The following AFF1 variants were observed in gnomAD, a reference collection of about 807,000 sequenced individuals.
AFF1 encodes the protein AF4/FMR2 family member 1.
AFF1 carries 48 observed loss-of-function variants against 121.7 expected under a neutral mutation model. That is an observed-to-expected ratio of 0.39 (90% CI 0.31 to 0.50). AFF1 has a LOEUF of 0.50. Among genes scored for constraint, AFF1 ranks in the 20% least tolerant of loss-of-function variants. The pLI is 0.76. For synonymous variants in AFF1, 613 were observed against 563.0 expected (o/e 1.09, Z -1.26); for missense variants, 1,523 against 1,511.7 (o/e 1.01, Z -0.12).
chr4:87,028,216 G>C lies in AFF1; in HGVS notation c.39-17950G>C, dbSNP rs370515880. On this transcript the variant is annotated intron_variant, in intron 2 of 20. Transcript: ENST00000395146. ...TTTGTTGCTGTGTCCATCCATTAATGTATTTTTATACTTCTTATATAAGTT... is the reference window on the plus strand; with the variant it reads ...TTTGTTGCTGTGTCCATCCATTAATCTATTTTTATACTTCTTATATAAGTT... 2.6e-5 allele frequency among the ~76,000 whole-genome samples: 4 copies of C among 151,950 alleles called. No individual in the cohort carries two copies. The East Asian group carries it at 7.7e-4, about 29-fold the overall frequency.
intron 12 of AFF1, among the ~76,000 whole-genome samples, chr4:87,121,676 C>T (rs1469734866): frequency 6.6e-6 from 1 of 152,242 alleles, no homozygotes; most frequent in African/African-American, 2.4e-5. Context: ...TTGATGGCTT[C>T]CTTTCTACCA....
At position 87,137,691 on chromosome 4, in the gene AFF1, G is replaced by A. The variant is rs1560671646; in HGVS notation, c.*1990G>A. The stretch of plus-strand genomic sequence containing the variant: ...TGAACAGTAATTGCCTGGTAGGTTT[G>A]GTGTGTGTGTAGCATTGTGTGTCCA... On this transcript the variant is annotated 3_prime_UTR_variant, in exon 21 of 21. Transcript: ENST00000395146. 4.3e-6 allele frequency: 1 copy of A among 232,504 alleles called. No individual in the cohort carries two copies. The highest frequency in any genetic ancestry group is 8.5e-6 in the Non-Finnish European group (1 of 117,678). The allele number at this position is 232,504 out of a possible 1,614,324, so 14.4% of individuals were successfully genotyped here.
chr4:86,961,489 G>GT (rs975514996), intron 2 of AFF1, among the ~76,000 whole-genome samples: 2 of 151,864 alleles, frequency 1.3e-5, no homozygotes, highest in Admixed American at 6.6e-5. Flanking sequence ...CTGGGAGATA[G>GT]TTTCAGCATG....
intron 4 of AFF1, among the ~76,000 whole-genome samples, chr4:87,058,701 C>T (rs558422925): frequency 5.6e-4 from 85 of 152,092 alleles, no homozygotes; most frequent in African/African-American, 2.0e-3. Flanking sequence ...CAAAACAAAC[C>T]CTTCTTCACT....
At chr4:87,059,268 T>G (rs1001105165) in intron 4 of AFF1, among the ~76,000 whole-genome samples, 71 of 152,364 alleles carry the variant, frequency 4.7e-4, no homozygotes, top group African/African-American at 1.6e-3. Flanking sequence ...GGCATCTTAA[T>G]TGAACCTGTC....
rs993473564 is a variant in AFF1, at chr4:87,126,141, C to A, written c.2616C>A (p.Leu872=). 3 of 1,614,066 alleles carry A rather than the reference C, an allele frequency of 1.9e-6. No homozygotes were observed. Among genetic ancestry groups the A allele is most frequent in the South Asian group, 2.2e-5 (2 of 91,066 alleles). ...CACAGTCCTCAAAGAAGGAAATGCT[C>A]CCCCCGCCACCCGTGTCCTCGTCCT... is the stretch of plus-strand genomic sequence containing the variant. ...PSSQSSKKEM[L]PPPPVSSSSQ... is the part of the protein sequence containing the mutation. Residue 872 remains leucine (L), a synonymous_variant, in exon 14 of 21, where the codon CTC becomes CTA. Transcript: ENST00000395146.
chr4:87,101,584 G>GAAA (rs57043448), intron 8 of AFF1, among the ~76,000 whole-genome samples: 110 of 148,662 alleles, frequency 7.4e-4, no homozygotes, highest in South Asian at 1.1e-3. Context: ...GTCTGAAAAA[G>GAAA]AAAAAAAAAA....
intron 2 of AFF1, among the ~76,000 whole-genome samples, chr4:86,984,678 G>A (rs933062541): frequency 6.6e-6 from 1 of 152,172 alleles, no homozygotes; most frequent in Non-Finnish European, 1.5e-5. Flanking sequence ...GTTTAAGCTT[G>A]TTATCCCAGC....
chr4:87,032,156 A>G (rs759559022), intron 2 of AFF1, among the ~76,000 whole-genome samples: 18 of 152,208 alleles, frequency 1.2e-4, no homozygotes, highest in Admixed American at 3.9e-4. Flanking sequence ...TTTAGCTTTA[A>G]GGAGATGCCA....
intron 2 of AFF1, among the ~76,000 whole-genome samples, chr4:86,977,218 A>G (rs1429058191): frequency 1.3e-5 from 2 of 152,182 alleles, no homozygotes; most frequent in African/African-American, 4.8e-5. Context: ...ATGTATTTTC[A>G]ATCTCATAAC....
Position 87,125,061 on chromosome 4 carries a change from A to G in AFF1, c.2491A>G (p.Asn831Asp). ...GGGTGAAGCAGAAAGAGACTGTGATAACAAGAAAATCAGACTGGAGAAGGA... is the reference window on the plus strand; with the variant it reads ...GGGTGAAGCAGAAAGAGACTGTGATGACAAGAAAATCAGACTGGAGAAGGA... The part of the protein sequence containing the change: ...RKGEAERDCD[N>D]KKIRLEKEIK... Residue 831 changes from asparagine (N) to aspartate (D), a missense_variant, in exon 13 of 21, where the codon AAC (asparagine) becomes GAC (aspartate). Coordinates refer to ENST00000395146, the MANE Select transcript of AFF1 (RefSeq NM_001166693.3). 1 of 1,607,974 alleles carries G rather than the reference A, an allele frequency of 6.2e-7. No homozygotes were observed. Among genetic ancestry groups the G allele is most frequent in the Non-Finnish European group, 8.5e-7 (1 of 1,176,766 alleles).
intron 2 of AFF1, among the ~76,000 whole-genome samples, chr4:86,975,276 C>T (rs1400523427): frequency 1.3e-4 from 19 of 151,964 alleles, no homozygotes; most frequent in East Asian, 1.9e-4. Flanking sequence ...TTTGAGATAG[C>T]GTCTCACTCT....
chr4:87,060,505 C>T (rs773265768), intron 4 of AFF1, among the ~76,000 whole-genome samples: 1 of 152,124 alleles, frequency 6.6e-6, no homozygotes, highest in African/African-American at 2.4e-5. Flanking sequence ...ATACACTCTT[C>T]TAGACCACAA....
intron 4 of AFF1, among the ~76,000 whole-genome samples, chr4:87,083,850 C>T (rs1723409338): frequency 6.6e-6 from 1 of 152,126 alleles, no homozygotes; most frequent in East Asian, 1.9e-4. Context: ...GCAGCCTCCA[C>T]CTCCCTGGCT....
intron 11 of AFF1, 49 bp from the exon 12 acceptor site, chr4:87,114,318 T>G (rs760673090): frequency 6.7e-7 from 1 of 1,488,850 alleles, no homozygotes; most frequent in African/African-American, 1.4e-5. Context: ...AAAAGAATAA[T>G]TTGTCATCAA....
chr4:86,937,937 T>C (rs1217995863), intron 1 of AFF1, among the ~76,000 whole-genome samples: 1 of 152,146 alleles, frequency 6.6e-6, no homozygotes, highest in Non-Finnish European at 1.5e-5. Context: ...GATTGTTTAG[T>C]TGAAGTTTCA....
chr4:86,989,002 G>A (rs1049083556), intron 2 of AFF1, among the ~76,000 whole-genome samples: 5 of 152,042 alleles, frequency 3.3e-5, no homozygotes, highest in Non-Finnish European at 2.9e-5. Flanking sequence ...TACTGAAACT[G>A]GACCCCTTCC....
chr4:87,112,066 A>G (rs1298951851), intron 11 of AFF1, among the ~76,000 whole-genome samples: 2 of 152,166 alleles, frequency 1.3e-5, no homozygotes, highest in African/African-American at 2.4e-5. Flanking sequence ...TGGGTAAGAT[A>G]TGTCCATACC....
intron 6 of AFF1, among the ~76,000 whole-genome samples, chr4:87,091,131 A>G (rs954777266): frequency 6.6e-6 from 1 of 151,684 alleles, no homozygotes; most frequent in Non-Finnish European, 1.5e-5. Flanking sequence ...TGGACCGGGC[A>G]TGGTGGCTTA....
Sources: allele counts gnomAD v4.1 joint callset (sites outside exome capture counted in the v4.1 genomes callset), GRCh38; gene constraint gnomAD v4.1.1; transcripts MANE v1.5; gene names NCBI Gene and HGNC (gene_info 2026-07-23, HGNC 2026-07-21).